PDZRN3: variants seen among roughly 807,000 people sequenced by gnomAD.
The protein encoded by PDZRN3 is E3 ubiquitin-protein ligase PDZRN3.
In PDZRN3, 38 loss-of-function variants were observed where a neutral mutation model predicts 85.7. That is an observed-to-expected ratio of 0.44 (90% CI 0.34 to 0.58). PDZRN3 has a LOEUF of 0.58. Ranked by LOEUF, PDZRN3 falls within the 20% of genes least tolerant of loss-of-function variation. PDZRN3 has a pLI of 0.01. For missense variants in PDZRN3, 1,629 were observed against 1,506.4 expected (o/e 1.08, Z -1.35); for synonymous variants, 759 against 638.0 (o/e 1.19, Z -2.86).
At chr3:73,427,380 G>A (rs190398672) in intron 3 of PDZRN3, among the ~76,000 whole-genome samples, 94 of 152,240 alleles carry the variant, frequency 6.2e-4, no homozygotes, top group Admixed American at 4.9e-3. Context: ...GATTAGTGGG[G>A]CTCTGCTGTG....
Position 73,383,586 on chromosome 3 carries a change from A to G in PDZRN3, c.2980T>C (p.Phe994Leu), listed in dbSNP as rs775828874. ...CAATCCAACCTGCTCTGCATCATGA[A>G]CTCGCGCCGCCGCCGCTGCTCCTTG... ...KAKEQRRRRE[F>L]MMQSRLDCLK... The change falls in exon 10 of 10, where the codon TTC becomes CTC. Residue 994 changes from phenylalanine (F) to leucine (L), a missense_variant. By Grantham distance (22) the Phe-to-Leu change is conservative. Transcript: ENST00000263666. 1 of 1,613,634 alleles carries G rather than the reference A, an allele frequency of 6.2e-7. No individual in the cohort carries two copies. The highest frequency in any genetic ancestry group is 8.5e-7 in the Non-Finnish European group (1 of 1,179,952).
At chr3:73,433,766 C>A (rs1575651234) in intron 3 of PDZRN3, 15 of 1,534,030 alleles carry the variant, frequency 9.8e-6, no homozygotes, top group South Asian at 1.2e-5. Flanking sequence ...AAAAGCAGCT[C>A]CCTTACAGTG....
chr3:73,467,734 T>G (rs1007531046), intron 3 of PDZRN3, among the ~76,000 whole-genome samples: 14 of 152,360 alleles, frequency 9.2e-5, no homozygotes, highest in African/African-American at 3.4e-4. Context: ...TCTGTTCATT[T>G]TTATGGCTAT....
At chr3:73,541,997 G>A (rs1168676926) in intron 3 of PDZRN3, among the ~76,000 whole-genome samples, 3 of 152,056 alleles carry the variant, frequency 2.0e-5, no homozygotes. Flanking sequence ...TCTAGACCCC[G>A]AGCTACTGAT....
intron 3 of PDZRN3, among the ~76,000 whole-genome samples, chr3:73,534,652 G>C (rs1347218392): frequency 1.3e-5 from 2 of 152,274 alleles, no homozygotes; most frequent in East Asian, 3.9e-4. Context: ...GGAGCCCCTA[G>C]GTCTTGCCTC....
rs770435883 is a variant in PDZRN3, at chr3:73,383,967, G to A, written c.2599C>T (p.Pro867Ser). The change falls in exon 10 of 10, where the codon CCA becomes TCA. Residue 867 changes from proline (P) to serine (S), a missense_variant. By Grantham distance (74) the Pro-to-Ser change is moderately conservative. Coordinates refer to ENST00000263666, the MANE Select transcript of PDZRN3 (RefSeq NM_015009.3). ...SAYLPSYHHSPYKHAHIPAHA... is the reference protein window; with the variant it reads ...SAYLPSYHHSSYKHAHIPAHA... ...GCCGGGATGTGCGCGTGCTTGTATG[G>A]GGAGTGGTGATAGGAGGGCAGGTAG... The A allele has an allele frequency of 6.3e-7, 1 of 1,597,582 alleles. No individual in the cohort carries two copies. Among genetic ancestry groups the A allele is most frequent in the South Asian group, 1.1e-5 (1 of 88,482 alleles).
chr3:73,450,998 T>A (rs75729530), intron 3 of PDZRN3, among the ~76,000 whole-genome samples: 2 of 151,832 alleles, frequency 1.3e-5, no homozygotes, highest in African/African-American at 4.8e-5. Flanking sequence ...TTTCAGGCCA[T>A]TGGGGAAACC....
intron 1 of PDZRN3, among the ~76,000 whole-genome samples, chr3:73,611,907 A>T (rs1702690295): frequency 6.6e-6 from 1 of 152,172 alleles, no homozygotes. Context: ...AGGGTACTTA[A>T]ATAATTATCA....
In PDZRN3 at chr3:73,388,089, G is replaced by T; in HGVS notation, c.1417-20C>A. Reference sequence around the variant, plus strand: ...ATTAATCTTTTAAAAAAAAAGGGGGGGTGGGGAGAGTGGGGAGACAAATAG... The same window carrying T: ...ATTAATCTTTTAAAAAAAAAGGGGGTGTGGGGAGAGTGGGGAGACAAATAG... On this transcript the variant is annotated intron_variant, in intron 7 of 9. Transcript: ENST00000263666. The T allele has an allele frequency of 1.8e-6, 2 of 1,127,172 alleles. No homozygotes were observed. The highest frequency in any genetic ancestry group is 2.6e-6 in the Non-Finnish European group (2 of 776,532). The allele number at this position is 1,127,172 out of a possible 1,614,324, so 69.8% of individuals were successfully genotyped here.
At chr3:73,524,677 T>A (rs984051427) in intron 3 of PDZRN3, among the ~76,000 whole-genome samples, 3 of 152,326 alleles carry the variant, frequency 2.0e-5, no homozygotes, top group African/African-American at 7.2e-5. Context: ...ACCAGAAATC[T>A]ATGTTTAAAA....
intron 5 of PDZRN3, among the ~76,000 whole-genome samples, chr3:73,396,932 C>G (rs1430117509): frequency 6.6e-6 from 1 of 152,116 alleles, no homozygotes; most frequent in Non-Finnish European, 1.5e-5. Context: ...TAACTCTAAG[C>G]AGTCTCATAA....
At chr3:73,514,186 T>G (rs908312559) in intron 3 of PDZRN3, among the ~76,000 whole-genome samples, 1 of 152,168 alleles carries the variant, frequency 6.6e-6, no homozygotes, top group African/African-American at 2.4e-5. Flanking sequence ...GAAAAAAGAT[T>G]GAAAAGCTGG....
intron 3 of PDZRN3, chr3:73,474,546 T>G: frequency 7.8e-7 from 1 of 1,287,730 alleles, no homozygotes; most frequent in Non-Finnish European, 1.0e-6. Context: ...CATTTAAAAA[T>G]TGACTCAGTG....
intron 3 of PDZRN3, among the ~76,000 whole-genome samples, chr3:73,593,709 T>TACACAC (rs57922621): frequency 0.013 from 1,805 of 141,910 alleles, 22 homozygotes; most frequent in South Asian, 0.024. Flanking sequence ...GAAATAAATA[T>TACACAC]ACACACACAC....
intron 3 of PDZRN3, among the ~76,000 whole-genome samples, chr3:73,410,761 T>C (rs893646850): frequency 1.3e-5 from 2 of 152,254 alleles, no homozygotes; most frequent in Admixed American, 6.5e-5. Flanking sequence ...TAAAATACTT[T>C]CTTTTCAGAT....
chr3:73,557,422 A>G (rs765483007), intron 3 of PDZRN3, among the ~76,000 whole-genome samples: 15 of 152,216 alleles, frequency 9.9e-5, no homozygotes, highest in Non-Finnish European at 1.8e-4. Context: ...TTCTGTGACT[A>G]TTTCTCATCT....
Position 73,404,215 on chromosome 3 carries a change from T to C in PDZRN3, c.1099A>G (p.Ile367Val). ...GTQTDITFEH[I>V]MALTKMSSPS... ...GAGGACATCTTAGTGAGGGCCATGATATGTTCAAAGGTGATGTCGGTTTGG... is the reference window on the plus strand; with the variant it reads ...GAGGACATCTTAGTGAGGGCCATGACATGTTCAAAGGTGATGTCGGTTTGG... Residue 367 changes from isoleucine to valine, a missense_variant, in exon 4 of 10, where the codon ATC (isoleucine) becomes GTC (valine). Coordinates refer to ENST00000263666, the MANE Select transcript of PDZRN3 (RefSeq NM_015009.3). 1 of 1,614,080 alleles carries C rather than the reference T, an allele frequency of 6.2e-7. No individual in the cohort carries two copies. The highest frequency in any genetic ancestry group is 8.5e-7 in the Non-Finnish European group (1 of 1,179,996).
In PDZRN3 at chr3:73,460,091, T is replaced by G. The variant is rs536767736; in HGVS notation, c.919-55696A>C. On this transcript the variant is annotated intron_variant, in intron 3 of 9. Transcript: ENST00000263666. ...TTTGAGGTAAAATATACATATATAA[T>G]GTATCATCTTTACCATTTTCAAGTG... 2.6e-5 allele frequency among the ~76,000 whole-genome samples: 4 copies of G among 152,358 alleles called. No individual in the cohort carries two copies. In the East Asian group the frequency reaches 5.8e-4, roughly 22 times the overall value.
At chr3:73,563,685 A>G (rs553553133) in intron 3 of PDZRN3, among the ~76,000 whole-genome samples, 1 of 152,312 alleles carries the variant, frequency 6.6e-6, no homozygotes, top group Non-Finnish European at 1.5e-5. Flanking sequence ...GACTGACGCT[A>G]TATGGCCATA....
Sources: gnomAD v4.1 joint callset for allele counts (sites outside exome capture counted in the v4.1 genomes callset) on GRCh38, gnomAD v4.1.1 for gene constraint, MANE v1.5 for transcripts, NCBI Gene and HGNC (gene_info 2026-07-23, HGNC 2026-07-21) for gene names.